UGT1A7: variants seen among roughly 807,000 people sequenced by gnomAD.
The protein encoded by UGT1A7 is UDP-glucuronosyltransferase 1A7.
In UGT1A7, 33 loss-of-function variants were observed where a neutral mutation model predicts 45.6. The ratio of observed to expected loss-of-function variants is 0.72; its 90% CI spans 0.55 to 0.97. The LOEUF is 0.97. Among genes scored for constraint, UGT1A7 ranks in the 50% least tolerant of loss-of-function variants. The pLI is 0.00. For synonymous variants in UGT1A7, 274 were observed against 250.6 expected (o/e 1.09, Z -0.88); for missense variants, 684 against 666.2 (o/e 1.03, Z -0.29).
chr2:233,718,635 G>A, intron 1 of UGT1A7: 1 of 1,459,820 alleles, frequency 6.9e-7, no homozygotes, highest in Non-Finnish European at 9.2e-7. Flanking sequence ...TCTTTCCCAG[G>A]GTTGGGCCCA....
chr2:233,763,174 C>A (rs528142938), intron 1 of UGT1A7, among the ~76,000 whole-genome samples: 1 of 152,302 alleles, frequency 6.6e-6, no homozygotes, highest in East Asian at 1.9e-4. Context: ...GTGTTGACTA[C>A]ATATTTGTTG....
intron 1 of UGT1A7, among the ~76,000 whole-genome samples, chr2:233,688,346 C>A (rs907282855): frequency 1.3e-5 from 2 of 152,134 alleles, no homozygotes; most frequent in Admixed American, 1.3e-4. Flanking sequence ...CATTTTCAGC[C>A]ATGAAAAATA....
chr2:233,692,317 A>G (rs1204507929), intron 1 of UGT1A7: 1 of 153,522 alleles, frequency 6.5e-6, no homozygotes, highest in Non-Finnish European at 1.4e-5. Context: ...TTTGTAATAA[A>G]CCAAACCTAG....
At chr2:233,760,651 A>G (rs1358018329) in intron 1 of UGT1A7, 1 of 1,614,196 alleles carries the variant, frequency 6.2e-7, no homozygotes, top group South Asian at 1.1e-5. Context: ...GGACTCTGCT[A>G]TGCTTTTGTC....
intron 1 of UGT1A7, chr2:233,748,207 C>G (rs1467291155): frequency 6.6e-7 from 1 of 1,505,266 alleles, no homozygotes; most frequent in African/African-American, 1.4e-5. Context: ...TCGTAATAGC[C>G]TTCAGTGAGA....
intron 1 of UGT1A7, among the ~76,000 whole-genome samples, chr2:233,698,143 A>C (rs995620275): frequency 3.9e-5 from 6 of 152,198 alleles, no homozygotes; most frequent in Non-Finnish European, 8.8e-5. Flanking sequence ...TCTCAACTGT[A>C]TTCCCAGCAT....
intron 1 of UGT1A7, chr2:233,713,713 G>A: frequency 6.2e-7 from 1 of 1,613,962 alleles, no homozygotes; most frequent in Non-Finnish European, 8.5e-7. Context: ...CTTTTTCAGA[G>A]AGAGGTGTCA....
At chr2:233,700,805 T>C (rs567611805) in intron 1 of UGT1A7, among the ~76,000 whole-genome samples, 135 of 152,262 alleles carry the variant, frequency 8.9e-4, no homozygotes, top group African/African-American at 2.8e-3. Flanking sequence ...ATGTGCCATG[T>C]TGGTGTGCTG....
At chr2:233,736,756 T>G (rs535805323) in intron 1 of UGT1A7, among the ~76,000 whole-genome samples, 1 of 152,338 alleles carries the variant, frequency 6.6e-6, no homozygotes, top group Non-Finnish European at 1.5e-5. Context: ...TTGTTAGTTT[T>G]CCTTCTAACA....
chr2:233,698,420 T>G (rs2075440349), intron 1 of UGT1A7, among the ~76,000 whole-genome samples: 1 of 152,188 alleles, frequency 6.6e-6, no homozygotes, highest in African/African-American at 2.4e-5. Flanking sequence ...CGCAATAAAT[T>G]ATTTAAGAAA....
chr2:233,690,817 A>G, intron 1 of UGT1A7: 1 of 1,076,340 alleles, frequency 9.3e-7, no homozygotes, highest in South Asian at 2.7e-5. Flanking sequence ...TAGTACAGTC[A>G]AAGCTCACAG....
At position 233,713,302 on chromosome 2, in the gene UGT1A7, A is replaced by G. The variant is rs750198016; in HGVS notation, c.855+30510A>G. The G allele has an allele frequency of 6.2e-6, 10 of 1,614,126 alleles. No individual in the cohort carries two copies. In the Admixed American group the frequency reaches 1.7e-4, roughly 27 times the overall value. The stretch of plus-strand genomic sequence containing the variant: ...CACACTCAATCGTTCTTTGAAACAG[A>G]ACATCTTCTGATGAAATTTTCTAGA... On this transcript the variant is annotated intron_variant, in intron 1 of 4. Transcript: ENST00000373426.
intron 1 of UGT1A7, among the ~76,000 whole-genome samples, chr2:233,761,626 A>C (rs1697818460): frequency 6.6e-6 from 1 of 152,238 alleles, no homozygotes; most frequent in Non-Finnish European, 1.5e-5. Flanking sequence ...TAAGAAGCTA[A>C]ATCCTGCAGT....
intron 1 of UGT1A7, among the ~76,000 whole-genome samples, chr2:233,745,069 T>C (rs1371401376): frequency 2.0e-5 from 3 of 151,904 alleles, no homozygotes; most frequent in African/African-American, 7.3e-5. Flanking sequence ...ATTATTTGTA[T>C]TGTTTTTTCA....
At chr2:233,724,199 C>T (rs1410873416) in intron 1 of UGT1A7, among the ~76,000 whole-genome samples, 7 of 127,042 alleles carry the variant, frequency 5.5e-5, no homozygotes, top group African/African-American at 1.3e-4. Context: ...GGTGGCTGGC[C>T]GGGCTGAGGG....
chr2:233,701,190 G>A (rs1433318718), intron 1 of UGT1A7, among the ~76,000 whole-genome samples: 3 of 152,170 alleles, frequency 2.0e-5, no homozygotes, highest in Non-Finnish European at 4.4e-5. Context: ...ACATGTGCAT[G>A]TGTCTTTATA....
chr2:233,697,449 T>C (rs2075391490), intron 1 of UGT1A7, among the ~76,000 whole-genome samples: 1 of 152,002 alleles, frequency 6.6e-6, no homozygotes, highest in Non-Finnish European at 1.5e-5. Flanking sequence ...TGATTTTATC[T>C]GAGTGTTTTC....
rs1198812401 is a variant in UGT1A7, at chr2:233,681,919, T to C, written c.-19T>C. On this transcript the variant is annotated 5_prime_UTR_variant, in exon 1 of 5. Transcript: ENST00000373426. ...GGAGCTTAGAATCCCAGCTGCTGGCTCTGGGCTGAAGTTCTCTGATGGCTC... is the reference window on the plus strand; with the variant it reads ...GGAGCTTAGAATCCCAGCTGCTGGCCCTGGGCTGAAGTTCTCTGATGGCTC... 1.2e-6 allele frequency: 2 copies of C among 1,605,714 alleles called. No homozygotes were observed. Among genetic ancestry groups the C allele is most frequent in the South Asian group, 2.2e-5 (2 of 89,888 alleles).
At chr2:233,763,963 A>G (rs1698440106) in intron 1 of UGT1A7, among the ~76,000 whole-genome samples, 1 of 152,196 alleles carries the variant, frequency 6.6e-6, no homozygotes, top group Non-Finnish European at 1.5e-5. Flanking sequence ...GAAGGTTGAG[A>G]TATATGTGGG....
Sources: allele counts gnomAD v4.1 joint callset (sites outside exome capture counted in the v4.1 genomes callset), GRCh38; gene constraint gnomAD v4.1.1; transcripts MANE v1.5; gene names NCBI Gene and HGNC (gene_info 2026-07-23, HGNC 2026-07-21).